The following PLPBP variants were observed in gnomAD, a reference collection of about 807,000 sequenced individuals.
PLPBP encodes pyridoxal phosphate binding protein.
PLPBP carries 21 observed loss-of-function variants against 31.2 expected under a neutral mutation model. The ratio of observed to expected loss-of-function variants is 0.67; its 90% CI spans 0.48 to 0.97. PLPBP has a LOEUF of 0.97. PLPBP is among the 50% of genes least tolerant of loss of function. The pLI, the probability that PLPBP is intolerant of heterozygous loss-of-function variation, is 0.00. For synonymous variants in PLPBP, 124 were observed against 135.6 expected (o/e 0.91, Z 0.59); for missense variants, 308 against 354.4 (o/e 0.87, Z 1.05).
intron 5 of PLPBP, 150 bp from the exon 6 acceptor site, chr8:37,775,189 G>A: frequency 1.2e-6 from 1 of 818,950 alleles, no homozygotes; most frequent in East Asian, 2.6e-5. Context: ...AAAACCCCAA[G>A]TATAAAGTTA....
chr8:37,762,548 C>T (rs142026785), upstream of PLPBP: 6,546 of 1,458,512 alleles, frequency 4.5e-3, 22 homozygotes, highest in Non-Finnish European at 5.3e-3. Context: ...TTGGGTGAGA[C>T]GACTCAATGA....
intron 5 of PLPBP, 26 bp downstream of exon 5, chr8:37,772,915 A>AT (rs1243253745): frequency 6.2e-7 from 1 of 1,613,134 alleles, no homozygotes; most frequent in Non-Finnish European, 8.5e-7. Context: ...TGAATTGTAG[A>AT]TTTTTCTTCC....
chr8:37,764,063 TTTTC>T (rs1038596063), intron 1 of PLPBP, among the ~76,000 whole-genome samples: 1 of 148,932 alleles, frequency 6.7e-6, no homozygotes, highest in African/African-American at 2.6e-5. Flanking sequence ...CCACTGGTTC[TTTTC>T]TTTCTTTTTT....
chr8:37,775,964 C>T lies in PLPBP; in HGVS notation c.644C>T (p.Pro215Leu). 1 of 1,614,030 alleles carries T rather than the reference C, an allele frequency of 6.2e-7. No homozygotes were observed. The highest frequency in any genetic ancestry group is 8.5e-7 in the Non-Finnish European group (1 of 1,179,968). ...GAGCTGTGTAAAAAGCTGAACATCC[C>T]TGCTGACCAGGTTGAGCTGAGCATG... is the stretch of plus-strand genomic sequence containing the variant. Reference protein sequence around the residue: ...REELCKKLNIPADQVELSMGM... With the variant: ...REELCKKLNILADQVELSMGM... Residue 215 changes from proline (P) to leucine (L), a missense_variant, in exon 7 of 8, where the codon CCT (proline) becomes CTT (leucine). Physicochemically the swap from Pro to Leu is moderately conservative, Grantham distance 98 (BLOSUM62 -3). Around this residue, in one of 2 missense-constraint regions of PLPBP, gnomAD observed 188 missense variants for 259.3 expected, o/e 0.73. Transcript: ENST00000328195.
In PLPBP at chr8:37,774,235, T is replaced by C. The variant is rs1478795705; in HGVS notation, c.455-1104T>C. 2.6e-5 allele frequency among the ~76,000 whole-genome samples: 4 copies of C among 151,932 alleles called. No individual in the cohort carries two copies. The East Asian group carries it at 7.7e-4, about 29-fold the overall frequency. ...CAAAAAAAAATAAATAAATAAAAAA[T>C]TATGGTGAGCACCAGTCAATGAATA... On this transcript the variant is annotated intron_variant, in intron 5 of 7. Transcript: ENST00000328195.
chr8:37,762,669 G>A lies in PLPBP; in HGVS notation c.10G>A (p.Ala4Thr). The A allele has an allele frequency of 6.3e-7, 1 of 1,583,618 alleles. No individual in the cohort carries two copies. The highest frequency in any genetic ancestry group is 2.3e-5 in the East Asian group (1 of 43,882). The change falls in exon 1 of 8, where the codon GCT becomes ACT. Residue 4 changes from alanine (A) to threonine (T), a missense_variant. Coordinates refer to ENST00000328195, the MANE Select transcript of PLPBP (RefSeq NM_007198.4). MWR[A>T]GSMSAELGVG... ...CGTCGGTCCCCGGGGGATGTGGAGA[G>A]CTGGCAGCATGTCGGCCGAGCTGGG... is the stretch of plus-strand genomic sequence containing the variant.
At chr8:37,764,647 ACAAT>A (rs1803575258) in intron 1 of PLPBP, among the ~76,000 whole-genome samples, 1 of 152,200 alleles carries the variant, frequency 6.6e-6, no homozygotes, top group African/African-American at 2.4e-5. Context: ...CACAGATTGA[ACAAT>A]CAATTACTTA....
In PLPBP at chr8:37,777,908, T is replaced by C. The variant is rs981332645; in HGVS notation, c.697-65T>C. On this transcript the variant is annotated intron_variant, in intron 7 of 7. Transcript: ENST00000328195. ...TTGAGAGCCAGAATGGGGGCACAGC[T>C]TCAGCACTGGCTCCATTTTATTATT... 68 of 1,531,502 alleles carry C rather than the reference T, an allele frequency of 4.4e-5. 1 individual carries two copies. In the South Asian group the frequency reaches 7.3e-4, roughly 16 times the overall value. The allele number at this position is 1,531,502 out of a possible 1,614,324, so 94.9% of individuals were successfully genotyped here.
At chr8:37,773,938 C>T (rs979687532) in intron 5 of PLPBP, among the ~76,000 whole-genome samples, 6 of 152,030 alleles carry the variant, frequency 3.9e-5, no homozygotes, top group Admixed American at 2.6e-4. Flanking sequence ...GGGCCAGGTG[C>T]GGTGGCTTAC....
chr8:37,772,912 T>A lies in PLPBP; in HGVS notation c.454+23T>A, dbSNP rs199508651. 2,718 of 1,613,422 alleles carry A rather than the reference T, an allele frequency of 1.7e-3. 4 individuals carry two copies. Among genetic ancestry groups the A allele is most frequent in the Non-Finnish European group, 2.2e-3 (2,543 of 1,179,478 alleles). On this transcript the variant is annotated intron_variant, in intron 5 of 7. Coordinates refer to ENST00000328195, the MANE Select transcript of PLPBP (RefSeq NM_007198.4). ...AGAGTAAGTAACCAGACCTGAATTG[T>A]AGATTTTTCTTCCTTTAGGATGGTT...
rs370392460 is a variant in PLPBP, at chr8:37,766,258, A to G, written c.244-22A>G. 1.5e-4 allele frequency: 231 copies of G among 1,589,940 alleles called. No homozygotes were observed. In the African/African-American group the frequency reaches 1.8e-3, roughly 13 times the overall value. ...GGCCTCTATAAAATCTGAATTACAC[A>G]TGGTTACCTTTTTCCCCTCAGATTC... On this transcript the variant is annotated intron_variant, in intron 3 of 7. Coordinates refer to ENST00000328195, the MANE Select transcript of PLPBP (RefSeq NM_007198.4).
At position 37,775,494 on chromosome 8, in the gene PLPBP, C is replaced by T. The variant is rs770653616; in HGVS notation, c.597+13C>T. 2.9e-5 allele frequency: 47 copies of T among 1,613,080 alleles called. No individual in the cohort carries two copies. The South Asian group carries it at 4.2e-4, about 14-fold the overall frequency. On this transcript the variant is annotated intron_variant, in intron 6 of 7. Transcript: ENST00000328195. ...TCCAGACTTCCAGGTACTGGGGGGT[C>T]GGGGAGATTGCTCGTGTGCTAAAGA...
At chr8:37,777,613 GC>G (rs1302690340) in intron 7 of PLPBP, among the ~76,000 whole-genome samples, 3 of 151,776 alleles carry the variant, frequency 2.0e-5, no homozygotes, top group African/African-American at 7.3e-5. Context: ...CGCTCTTGTT[GC>G]CCAGGCTGGA....
intron 3 of PLPBP, among the ~76,000 whole-genome samples, chr8:37,766,055 A>G (rs565681126): frequency 6.6e-6 from 1 of 152,284 alleles, no homozygotes; most frequent in East Asian, 1.9e-4. Context: ...GCAATATCTG[A>G]AAGATGGAGG....
intron 7 of PLPBP, among the ~76,000 whole-genome samples, chr8:37,776,497 A>C (rs1161887080): frequency 6.6e-6 from 1 of 150,564 alleles, no homozygotes; most frequent in African/African-American, 2.4e-5. Flanking sequence ...AAAAAAAAAA[A>C]AAAAAACAAA....
At chr8:37,774,820 A>G (rs1019894651) in intron 5 of PLPBP, 1 of 153,728 alleles carries the variant, frequency 6.5e-6, no homozygotes, top group Admixed American at 6.5e-5. Flanking sequence ...AATAGCTCTT[A>G]TAACTGTATA....
chr8:37,778,212 A>ATTAG lies in PLPBP; in HGVS notation c.*109_*110insTAGT. On this transcript the variant is annotated 3_prime_UTR_variant, in exon 8 of 8. Transcript: ENST00000328195. ...CTCCTGTGACCTGTGGAGAGCACTA[A>ATTAG]TGATCACGTGTGTTGATGGAAACCA... 7.4e-7 allele frequency: 1 copy of ATTAG among 1,355,160 alleles called. No individual in the cohort carries two copies. The highest frequency in any genetic ancestry group is 1.0e-6 in the Non-Finnish European group (1 of 994,154). 83.9% of individuals were successfully genotyped at this position (1,355,160 alleles called of 1,614,324 possible).
chr8:37,767,286 T>G (rs911890927), intron 4 of PLPBP, among the ~76,000 whole-genome samples: 5 of 152,166 alleles, frequency 3.3e-5, no homozygotes, highest in African/African-American at 1.2e-4. Context: ...CAACAAACAG[T>G]GAGCATATCT....
chr8:37,769,572 C>T (rs1248872472), intron 4 of PLPBP, among the ~76,000 whole-genome samples: 1 of 151,748 alleles, frequency 6.6e-6, no homozygotes, highest in African/African-American at 2.4e-5. Flanking sequence ...GGTAAAAATA[C>T]AAAAGGCCAG....
Sources: gnomAD v4.1 joint callset for allele counts (sites outside exome capture counted in the v4.1 genomes callset) on GRCh38, gnomAD v4.1.1 for gene constraint, gnomAD v4.1.1 regional missense constraint, MANE v1.5 for transcripts, NCBI Gene and HGNC (gene_info 2026-07-23, HGNC 2026-07-21) for gene names.